PCDHGB6: variants seen among roughly 807,000 people sequenced by gnomAD.
PCDHGB6 encodes protocadherin gamma subfamily B, 6.
A neutral mutation model predicts 59.1 loss-of-function variants in PCDHGB6; 51 were observed. The ratio of observed to expected loss-of-function variants is 0.86; its 90% CI spans 0.69 to 1.09. The LOEUF (loss-of-function observed/expected upper bound fraction) is 1.09, where lower values mean the gene tolerates loss of function less well. PCDHGB6 is among the 50% of genes least tolerant of loss of function. PCDHGB6 has a pLI of 0.00. For synonymous variants in PCDHGB6, 466 were observed against 495.1 expected (o/e 0.94, Z 0.78); for missense variants, 1,148 against 1,205.1 (o/e 0.95, Z 0.70).
In PCDHGB6 at chr5:141,486,043, A is replaced by G. The variant is rs1193580610; in HGVS notation, c.2419-8764A>G. 6.2e-7 allele frequency: 1 copy of G among 1,614,050 alleles called. No homozygotes were observed. Among genetic ancestry groups the G allele is most frequent in the African/African-American group, 1.3e-5 (1 of 74,918 alleles). ...GTGGTCATACCCCTGATCGTGTAAG[A>G]AACCTCTTTAGCCTGCACCCCACTA... On this transcript the variant is annotated intron_variant, in intron 1 of 3. Transcript: ENST00000520790. This position sits in a 1 kb window ranked among gnomAD's most constrained non-coding sequence, Gnocchi z 5.0.
Position 141,431,756 on chromosome 5 carries a change from G to T in PCDHGB6, c.2418+21136G>T. The T allele has an allele frequency of 6.2e-7, 1 of 1,614,236 alleles. No individual in the cohort carries two copies. Among genetic ancestry groups the T allele is most frequent in the South Asian group, 1.1e-5 (1 of 91,088 alleles). On this transcript the variant is annotated intron_variant, in intron 1 of 3. Transcript: ENST00000520790. This position sits in a 1 kb window ranked among gnomAD's most constrained non-coding sequence, Gnocchi z 4.8. Reference sequence around the variant, plus strand: ...TGCAGGATATTCTGCGCGAGCCAAAGTCCTGATCACTGTTCTGGACGTGAA... The same window carrying T: ...TGCAGGATATTCTGCGCGAGCCAAATTCCTGATCACTGTTCTGGACGTGAA...
chr5:141,454,740 G>GAGGCC (rs2098797560), intron 1 of PCDHGB6, among the ~76,000 whole-genome samples: 1 of 147,160 alleles, frequency 6.8e-6, no homozygotes, highest in Non-Finnish European at 1.5e-5. Flanking sequence ...AGGATGAAAA[G>GAGGCC]AGGCCAAACT....
chr5:141,485,714 G>C lies in PCDHGB6; in HGVS notation c.2419-9093G>C, dbSNP rs896709540. 6.2e-7 allele frequency: 1 copy of C among 1,614,064 alleles called. No homozygotes were observed. Among genetic ancestry groups the C allele is most frequent in the Non-Finnish European group, 8.5e-7 (1 of 1,180,050 alleles). On this transcript the variant is annotated intron_variant, in intron 1 of 3. Coordinates refer to ENST00000520790, the MANE Select transcript of PCDHGB6 (RefSeq NM_018926.3). The surrounding 1 kb of genome is among the most constrained non-coding windows in gnomAD (Gnocchi z 5.7). The stretch of plus-strand genomic sequence containing the variant: ...GAGCTCCAATGAACACTTTGCACTG[G>C]ATGTGAAGAAGCGCAGCGACGGCAG...
intron 1 of PCDHGB6, chr5:141,414,493 GCT>G: frequency 6.2e-7 from 1 of 1,613,950 alleles, no homozygotes; most frequent in Non-Finnish European, 8.5e-7. Context: ...ATCAACGGAA[GCT>G]CACTTTATGC....
chr5:141,469,711 T>C (rs894622720), intron 1 of PCDHGB6, among the ~76,000 whole-genome samples: 13 of 152,372 alleles, frequency 8.5e-5, no homozygotes, highest in African/African-American at 2.4e-4. Flanking sequence ...AATCACACTA[T>C]TAGGAATTTA....
intron 2 of PCDHGB6, among the ~76,000 whole-genome samples, chr5:141,505,146 A>G (rs2099844101): frequency 6.6e-6 from 1 of 152,190 alleles, no homozygotes; most frequent in Non-Finnish European, 1.5e-5. Flanking sequence ...TGGATGACAG[A>G]GTAAGACCCT....
chr5:141,428,029 C>T (rs775747505), intron 1 of PCDHGB6: 1 of 1,607,160 alleles, frequency 6.2e-7, no homozygotes, highest in Non-Finnish European at 8.5e-7. Flanking sequence ...GCCGCAGAGT[C>T]CGGCTACCTG....
intron 1 of PCDHGB6, chr5:141,478,545 A>T: frequency 6.2e-7 from 1 of 1,605,606 alleles, no homozygotes; most frequent in Admixed American, 1.7e-5. Context: ...CCTCCCGGAC[A>T]GGTAAGGTTT....
intron 1 of PCDHGB6, among the ~76,000 whole-genome samples, chr5:141,450,888 G>A (rs1038570371): frequency 6.9e-5 from 10 of 145,278 alleles, no homozygotes; most frequent in Admixed American, 4.1e-4. Context: ...GCAGTGGTGC[G>A]ATATCGGCTC....
chr5:141,466,278 T>G (rs1459665755), intron 1 of PCDHGB6, among the ~76,000 whole-genome samples: 1 of 152,128 alleles, frequency 6.6e-6, no homozygotes, highest in Non-Finnish European at 1.5e-5. Context: ...TCAAGCAATC[T>G]TCCCACCTCA....
At chr5:141,459,874 A>G (rs922438277) in intron 1 of PCDHGB6, among the ~76,000 whole-genome samples, 10 of 152,156 alleles carry the variant, frequency 6.6e-5, no homozygotes, top group African/African-American at 2.4e-4. Flanking sequence ...TTCATCTTTA[A>G]CTGAGCTGAA....
intron 1 of PCDHGB6, chr5:141,423,830 G>A (rs527344048): frequency 5.5e-6 from 7 of 1,273,204 alleles, no homozygotes; most frequent in African/African-American, 3.1e-5. Flanking sequence ...CCTTTCATGA[G>A]ATTACGATAA....
rs61612330 is a variant in PCDHGB6, at chr5:141,454,796, A to ATTTTTTTTTTTT, written c.2419-39993_2419-39982dup. Among the ~76,000 whole-genome samples, 573 of 77,460 alleles carry ATTTTTTTTTTTT rather than the reference A, an allele frequency of 7.4e-3. 68 individuals carry two copies. Among genetic ancestry groups the ATTTTTTTTTTTT allele is most frequent in the Non-Finnish European group, 9.0e-3 (384 of 42,814 alleles). The allele number at this position is 77,460 out of a possible 152,430, so 50.8% of individuals were successfully genotyped here. A position where few individuals can be genotyped will look rare whatever the true frequency, so the allele number is the denominator to read the frequency against. On this transcript the variant is annotated intron_variant, in intron 1 of 3. Coordinates refer to ENST00000520790, the MANE Select transcript of PCDHGB6 (RefSeq NM_018926.3). ...AAGGAAATAATCCTCCATGGTTCTA[A>ATTTTTTTTTTTT]TTTTTTTTTTTTTTTTTTTTTTTTT...
chr5:141,450,568 C>A (rs2098685790), intron 1 of PCDHGB6, among the ~76,000 whole-genome samples: 1 of 152,002 alleles, frequency 6.6e-6, no homozygotes. Flanking sequence ...CTCACTGCAA[C>A]TTCTGCCTCC....
chr5:141,413,965 C>G (rs2095696868), intron 1 of PCDHGB6: 2 of 1,613,292 alleles, frequency 1.2e-6, no homozygotes, highest in East Asian at 2.2e-5. Context: ...TGTGGGCACT[C>G]AGCTGCTGAC....
intron 1 of PCDHGB6, among the ~76,000 whole-genome samples, chr5:141,448,007 AC>A (rs1430481139): frequency 1.3e-5 from 2 of 151,784 alleles, no homozygotes; most frequent in Non-Finnish European, 2.9e-5. Context: ...AATCGCTTGA[AC>A]CCAGGAGGTG....
chr5:141,473,887 C>T (rs887871337), intron 1 of PCDHGB6, among the ~76,000 whole-genome samples: 3 of 152,144 alleles, frequency 2.0e-5, no homozygotes, highest in Non-Finnish European at 2.9e-5. Context: ...CACAAGGGTT[C>T]TGTTGGTTCA....
intron 1 of PCDHGB6, among the ~76,000 whole-genome samples, chr5:141,439,270 A>G (rs1381185021): frequency 6.6e-6 from 1 of 152,140 alleles, no homozygotes; most frequent in African/African-American, 2.4e-5. Flanking sequence ...CCAACAGTTC[A>G]TTCTGAGACT....
intron 1 of PCDHGB6, chr5:141,419,146 GCCT>G: frequency 6.2e-7 from 1 of 1,613,922 alleles, no homozygotes; most frequent in East Asian, 2.2e-5. Context: ...ACAGGGGCAA[GCCT>G]CCGTTATCCT....
Sources: gnomAD v4.1 joint callset for allele counts (sites outside exome capture counted in the v4.1 genomes callset) on GRCh38, gnomAD v4.1.1 for gene constraint, Gnocchi (gnomAD v3.1) non-coding constraint, MANE v1.5 for transcripts, NCBI Gene and HGNC (gene_info 2026-07-23, HGNC 2026-07-21) for gene names.